Variants in MYBPC3 observed in about 807,000 individuals in gnomAD.
The protein encoded by MYBPC3 is myosin binding protein C3.
In MYBPC3, 108 loss-of-function variants were observed where a neutral mutation model predicts 159.3. That is an observed-to-expected ratio of 0.68 (90% CI 0.58 to 0.80). The LOEUF is 0.80. Ranked by LOEUF, MYBPC3 falls within the 30% of genes least tolerant of loss-of-function variation. The probability of loss-of-function intolerance (pLI) is 0.00; values close to 1 mark genes in which losing one functional copy is unlikely to be tolerated. For missense variants in MYBPC3, 1,631 were observed against 1,762.1 expected, an observed-to-expected ratio of 0.93 and a Z score of 1.33; for synonymous variants, 730 against 702.0, an observed-to-expected ratio of 1.04 and a Z score of -0.63.
chr11:47,347,507 G>C lies in MYBPC3; in HGVS notation c.852-28C>G, dbSNP rs1203002936. The C allele has an allele frequency of 1.4e-5, 22 of 1,589,148 alleles. No homozygotes were observed. The South Asian group carries it at 2.1e-4, about 15-fold the overall frequency. On this transcript the variant is annotated intron_variant, in intron 8 of 34. Coordinates refer to ENST00000545968, the MANE Select transcript of MYBPC3 (RefSeq NM_000256.3). ...ATGGAGAGGGACCCCCAGTGAGGCT[G>C]CAGTGAGGGACTGGAAAGGGATTAG...
intron 25 of MYBPC3, among the ~76,000 whole-genome samples, 179 bp downstream of exon 25, chr11:47,337,212 A>G (rs1305456338): frequency 1.3e-5 from 2 of 152,204 alleles, no homozygotes; most frequent in Non-Finnish European, 2.9e-5. Flanking sequence ...CAAGCAGGTC[A>G]TTTAACTGCT....
rs369866243 is a variant in MYBPC3 at position 47,333,874 on chromosome 11, C to T, written c.2994+48G>A. 2.1e-5 allele frequency: 33 copies of T among 1,554,808 alleles called. No homozygotes were observed. In the East Asian group the frequency reaches 5.3e-4, roughly 25 times the overall value. On this transcript the variant is annotated intron_variant, in intron 28 of 34. Transcript: ENST00000545968. ...ATCAGTCCACTGGATGGGAACAACA[C>T]ACTATAGCCTCTCTCCCCTGGGGGA...
rs766029254 is a variant in MYBPC3 at position 47,338,557 on chromosome 11, C to T, written c.2271G>A (p.Val757=). The T allele has an allele frequency of 6.2e-7, 1 of 1,614,046 alleles. No homozygotes were observed. ...GVYTVTVKNP[V]GEDQVNLTVK... is the part of the protein sequence containing the mutation. ...CTGTGAGGTTGACCTGGTCCTCGCCCACAGGGTTCTTCACTGTGACCGTGT... is the reference window on the plus strand; with the variant it reads ...CTGTGAGGTTGACCTGGTCCTCGCCTACAGGGTTCTTCACTGTGACCGTGT... Residue 757 remains valine (V), a synonymous_variant, in exon 23 of 35, where the codon GTG becomes GTA. Coordinates refer to ENST00000545968, the MANE Select transcript of MYBPC3 (RefSeq NM_000256.3). This position sits in a 1 kb window ranked among gnomAD's most constrained non-coding sequence, Gnocchi z 4.7.
intron 23 of MYBPC3, 88 bp from the exon 24 acceptor site, chr11:47,337,882 C>G: frequency 9.0e-7 from 1 of 1,111,774 alleles, no homozygotes; most frequent in Non-Finnish European, 1.3e-6. Context: ...TCCAACTAAC[C>G]GCCACAGGCT....
At position 47,346,523 on chromosome 11, in the gene MYBPC3, A is replaced by G. The variant is rs1595847896; in HGVS notation, c.926+104T>C. 1.4e-6 allele frequency: 2 copies of G among 1,470,914 alleles called. No homozygotes were observed. The highest frequency in any genetic ancestry group is 2.7e-5 in the South Asian group (2 of 73,570). The allele number at this position is 1,470,914 out of a possible 1,614,324, so 91.1% of individuals were successfully genotyped here. On this transcript the variant is annotated intron_variant, in intron 11 of 34. Transcript: ENST00000545968. The surrounding 1 kb of genome is among the most constrained non-coding windows in gnomAD (Gnocchi z 5.3). ...CTGGAGCTGCTCTGGGTCCCAGGCC[A>G]GGCAGGACTGGGGGCCAAGGGAGCT...
In MYBPC3 at chr11:47,348,389, G is replaced by A. The variant is rs760501550; in HGVS notation, c.772+35C>T. 17 of 1,496,864 alleles carry A rather than the reference G, an allele frequency of 1.1e-5. No homozygotes were observed. In the South Asian group the frequency reaches 2.0e-4, roughly 18 times the overall value. The allele number at this position is 1,496,864 out of a possible 1,614,324, so 92.7% of individuals were successfully genotyped here. A position where few individuals can be genotyped will look rare whatever the true frequency, so the allele number is the denominator to read the frequency against. The stretch of plus-strand genomic sequence containing the variant: ...GGTAGGAGACCAGGACCCATGGGGA[G>A]CCCGAGCCCAGGACAGACACCAGGG... On this transcript the variant is annotated intron_variant, in intron 6 of 34. Coordinates refer to ENST00000545968, the MANE Select transcript of MYBPC3 (RefSeq NM_000256.3).
In MYBPC3 at chr11:47,338,419, CATGCCCGTG is replaced by C. The variant is rs771215536; in HGVS notation, c.2308+92_2308+100del. The C allele has an allele frequency of 1.9e-4, 288 of 1,535,728 alleles. 2 individuals carry two copies. Among genetic ancestry groups the C allele is most frequent in the Non-Finnish European group, 2.5e-4 (278 of 1,128,084 alleles). ...TCCTGTTGCCGCTCGGCTCAGGGAG[CATGCCCGTG>C]ATGTTTGTCGAGTGGCTGAATGAGC... On this transcript the variant is annotated intron_variant, in intron 23 of 34. Transcript: ENST00000545968. The surrounding 1 kb of genome is among the most constrained non-coding windows in gnomAD (Gnocchi z 4.7).
chr11:47,343,324 GGAGA>G (rs1310054838), intron 13 of MYBPC3, 62 bp from the exon 14 acceptor site: 10 of 1,515,710 alleles, frequency 6.6e-6, no homozygotes, highest in Admixed American at 2.1e-5. Flanking sequence ...CGAGACAAAA[GGAGA>G]GAGAGAGAGG....
At chr11:47,343,719 C>T (rs940521893) in intron 12 of MYBPC3, 95 bp from the exon 13 acceptor site, 1 of 1,263,136 alleles carries the variant, frequency 7.9e-7, no homozygotes, top group South Asian at 1.5e-5. Context: ...CAGGTCCCCC[C>T]CTCCAATCCC....
In MYBPC3 at chr11:47,351,443, C is replaced by G; in HGVS notation, c.88G>C (p.Glu30Gln). Reference sequence around the variant, plus strand: ...ACTCCTGCCCGCTCTGTCTCGGCCTCGAACACGGCAGGGCTGCCTGCGGCC... The same window carrying G: ...ACTCCTGCCCGCTCTGTCTCGGCCTGGAACACGGCAGGGCTGCCTGCGGCC... ...EVAAGSPAVF[E>Q]AETERAGVKV... Residue 30 changes from glutamate to glutamine, a missense_variant, in exon 2 of 35, where the codon GAG becomes CAG. Glu to Gln is a conservative substitution (Grantham distance 29). Coordinates refer to ENST00000545968, the MANE Select transcript of MYBPC3 (RefSeq NM_000256.3). This position sits in a 1 kb window ranked among gnomAD's most constrained non-coding sequence, Gnocchi z 4.2. 6.2e-7 allele frequency: 1 copy of G among 1,608,490 alleles called. No homozygotes were observed. The highest frequency in any genetic ancestry group is 8.5e-7 in the Non-Finnish European group (1 of 1,177,520).
chr11:47,333,751 C>T lies in MYBPC3; in HGVS notation c.2996G>A (p.Gly999Asp). Residue 999 changes from glycine (G) to aspartate (D), a missense_variant and splice_region_variant, in exon 29 of 35, where the codon GGC becomes GAC. Transcript: ENST00000545968. ...EPVNLLIPFQ[G>D]KPRPQVTWTK... ...CCAGGTCACCTGAGGCCGGGGCTTG[C>T]CCTGAGGGGAGGAAAAGCTTAACCC... is the stretch of plus-strand genomic sequence containing the variant. The T allele has an allele frequency of 6.3e-7, 1 of 1,591,276 alleles. No individual in the cohort carries two copies. Among genetic ancestry groups the T allele is most frequent in the Admixed American group, 1.7e-5 (1 of 58,978 alleles).
Position 47,335,936 on chromosome 11 carries a change from G to A in MYBPC3, c.2678C>T (p.Pro893Leu), listed in dbSNP as rs1463381310. The A allele has an allele frequency of 6.4e-7, 1 of 1,561,942 alleles. No homozygotes were observed. The highest frequency in any genetic ancestry group is 1.9e-5 in the Admixed American group (1 of 52,594). Reference sequence around the variant, plus strand: ...CAGGCCTCCTGCTCCCACGCGCTCTGGGGGCCGCCACTTGAGGGAGACCGT... The same window carrying A: ...CAGGCCTCCTGCTCCCACGCGCTCTAGGGGCCGCCACTTGAGGGAGACCGT... The part of the protein sequence containing the change: ...DTTVSLKWRP[P>L]ERVGAGGLDG... The change falls in exon 26 of 35, where the codon CCA becomes CTA. Residue 893 changes from proline to leucine, a missense_variant. Transcript: ENST00000545968.
Position 47,346,365 on chromosome 11 carries a change from G to T in MYBPC3, c.932C>A (p.Ser311Ter), listed in dbSNP as rs193922386. 2 of 1,584,392 alleles carry T rather than the reference G, an allele frequency of 1.3e-6. No individual in the cohort carries two copies. The highest frequency in any genetic ancestry group is 1.7e-6 in the Non-Finnish European group (2 of 1,163,858). ...CTCCTCTGCTGGTGCCTCCAGCTTC[G>T]AGTCCCTGTGTCCCGCAGTCTAGGC... ...KRDSFRTPRD[S>*]KLEAPAEEDV... Residue 311 changes from serine (S) to a stop codon, truncating the protein, a stop_gained, in exon 12 of 35, where the codon TCG (serine) becomes TAG (stop). Coordinates refer to ENST00000545968, the MANE Select transcript of MYBPC3 (RefSeq NM_000256.3). LOFTEE classifies it high-confidence loss of function. The surrounding 1 kb of genome is among the most constrained non-coding windows in gnomAD (Gnocchi z 5.3).
Position 47,337,530 on chromosome 11 carries a change from C to T in MYBPC3, c.2463G>A (p.Leu821=). The change falls in exon 25 of 35, where the codon CTG becomes CTA. Residue 821 remains leucine (L), a synonymous_variant. Coordinates refer to ENST00000545968, the MANE Select transcript of MYBPC3 (RefSeq NM_000256.3). The stretch of plus-strand genomic sequence containing the variant: ...TCAGCTCCTGAATCAGGTCGAAGTT[C>T]AGCCGCATCCACCGGTAGCTCTTCT... The part of the protein sequence containing the change: ...KKKKSYRWMR[L]NFDLIQELSH... The T allele has an allele frequency of 6.2e-7, 1 of 1,614,036 alleles. No individual in the cohort carries two copies. Among genetic ancestry groups the T allele is most frequent in the Non-Finnish European group, 8.5e-7 (1 of 1,179,902 alleles).
At position 47,346,276 on chromosome 11, in the gene MYBPC3, C is replaced by T. The variant is rs397515881; in HGVS notation, c.1021G>A (p.Gly341Ser). 67 of 1,613,704 alleles carry T rather than the reference C, an allele frequency of 4.2e-5. No individual in the cohort carries two copies. Among genetic ancestry groups the T allele is most frequent in the Middle Eastern group, 1.6e-4 (1 of 6,080 alleles). Residue 341 changes from glycine to serine, a missense_variant, in exon 12 of 35, where the codon GGC becomes AGC. Coordinates refer to ENST00000545968, the MANE Select transcript of MYBPC3 (RefSeq NM_000256.3). This position sits in a 1 kb window ranked among gnomAD's most constrained non-coding sequence, Gnocchi z 5.3. ...SEYERIAFQY[G>S]VTDLRGMLKR... ...AGCATGCCGCGCAGGTCAGTGACGC[C>T]GTACTGGAAGGCGATGCGCTCGTAC...
rs761466191 is a variant in MYBPC3 at position 47,342,622 on chromosome 11, A to G, written c.1580T>C (p.Leu527Pro). The G allele has an allele frequency of 4.3e-6, 7 of 1,613,758 alleles. No homozygotes were observed. Among genetic ancestry groups the G allele is most frequent in the East Asian group, 4.5e-5 (2 of 44,886 alleles). Residue 527 changes from leucine to proline, a missense_variant, in exon 17 of 35, where the codon CTG (leucine) becomes CCG (proline). Physicochemically the swap from Leu to Pro is moderately conservative, Grantham distance 98. Coordinates refer to ENST00000545968, the MANE Select transcript of MYBPC3 (RefSeq NM_000256.3). ...CAGCGCCTGGCCCCCGCTAGTGCACAGTGCATAGTGCCCCGCGTCCTCCAG... is the reference window on the plus strand; with the variant it reads ...CAGCGCCTGGCCCCCGCTAGTGCACGGTGCATAGTGCCCCGCGTCCTCCAG... ...AMLEDAGHYALCTSGGQALAE... is the reference protein window; with the variant it reads ...AMLEDAGHYAPCTSGGQALAE...
chr11:47,337,792 C>T lies in MYBPC3; in HGVS notation c.2311G>A (p.Val771Met), dbSNP rs371488302. 4.2e-5 allele frequency: 65 copies of T among 1,550,960 alleles called. No homozygotes were observed. In the Middle Eastern group the frequency reaches 8.3e-4, roughly 20 times the overall value. The change falls in exon 24 of 35, where the codon GTG becomes ATG. Residue 771 changes from valine (V) to methionine (M), a missense_variant and splice_region_variant. Val to Met is a conservative substitution (Grantham distance 21). Coordinates refer to ENST00000545968, the MANE Select transcript of MYBPC3 (RefSeq NM_000256.3). ...QVNLTVKVID[V>M]PDAPAAPKIS... ...TTGGGGGCCGCAGGTGCGTCTGGCA[C>T]GTCTGGATGGGGTGGGATGGACCCA... is the stretch of plus-strand genomic sequence containing the variant.
intron 18 of MYBPC3, 139 bp downstream of exon 18, chr11:47,341,852 G>T: frequency 1.7e-6 from 2 of 1,168,522 alleles, no homozygotes; most frequent in East Asian, 2.6e-5. Context: ...GTGGGTCTCT[G>T]TCTCAGTCTC....
chr11:47,343,355 A>G (rs2095891064), intron 13 of MYBPC3, 93 bp from the exon 14 acceptor site: 4 of 1,486,366 alleles, frequency 2.7e-6, no homozygotes, highest in Non-Finnish European at 3.6e-6. Flanking sequence ...CAGGAGCAAA[A>G]GGATGGGAAA....
Sources: allele counts gnomAD v4.1 joint callset (sites outside exome capture counted in the v4.1 genomes callset), GRCh38; gene constraint gnomAD v4.1.1; non-coding constraint Gnocchi (gnomAD v3.1); transcripts MANE v1.5; gene names NCBI Gene and HGNC (gene_info 2026-07-23, HGNC 2026-07-21).